CFAP44: variants seen among roughly 807,000 people sequenced by gnomAD.
The protein encoded by CFAP44 is cilia and flagella associated protein 44.
A neutral mutation model predicts 216.2 loss-of-function variants in CFAP44; 134 were observed. The ratio of observed to expected loss-of-function variants is 0.62; its 90% CI spans 0.54 to 0.72. CFAP44 has a LOEUF of 0.72. Among genes scored for constraint, CFAP44 ranks in the 30% least tolerant of loss-of-function variants. CFAP44 has a pLI of 0.00. For missense variants in CFAP44, 2,035 were observed against 2,182.1 expected (o/e 0.93, Z 1.34); for synonymous variants, 700 against 727.6 (o/e 0.96, Z 0.61).
At chr3:113,351,351 C>T (rs1427154306) in intron 22 of CFAP44, among the ~76,000 whole-genome samples, 2 of 152,170 alleles carry the variant, frequency 1.3e-5, no homozygotes, top group Non-Finnish European at 2.9e-5. Flanking sequence ...TCCATCAGCA[C>T]AGAGCCATAC....
At position 113,426,670 on chromosome 3, in the gene CFAP44, G is replaced by A. The variant is rs963489510; in HGVS notation, c.254-393C>T. On this transcript the variant is annotated intron_variant, in intron 3 of 34. Transcript: ENST00000393845. Reference sequence around the variant, plus strand: ...ATGTGTTTATTAGCAGCATGAGAACGGACTAATACAAAGAGTGTCTGGTGA... The same window carrying A: ...ATGTGTTTATTAGCAGCATGAGAACAGACTAATACAAAGAGTGTCTGGTGA... 8 of 198,574 alleles carry A rather than the reference G, an allele frequency of 4.0e-5. 1 individual carries two copies. The South Asian group carries it at 4.4e-4, about 11-fold the overall frequency. 12.3% of individuals were successfully genotyped at this position (198,574 alleles called of 1,614,324 possible).
intron 2 of CFAP44, among the ~76,000 whole-genome samples, chr3:113,431,240 A>C (rs1935098946): frequency 6.6e-6 from 1 of 152,172 alleles, no homozygotes; most frequent in Non-Finnish European, 1.5e-5. Context: ...AGAATGCCAG[A>C]AAATTATTTC....
intron 15 of CFAP44, among the ~76,000 whole-genome samples, chr3:113,390,421 C>G (rs1051574572): frequency 1.3e-5 from 2 of 152,064 alleles, no homozygotes; most frequent in East Asian, 3.8e-4. Flanking sequence ...AAAGCCTTTC[C>G]TCTAAGATCT....
At chr3:113,377,915 T>G (rs2107333251) in intron 17 of CFAP44, among the ~76,000 whole-genome samples, 1 of 152,302 alleles carries the variant, frequency 6.6e-6, no homozygotes, top group South Asian at 2.1e-4. Context: ...CCTCCCAAAG[T>G]GCTGAGATTA....
chr3:113,395,973 T>G (rs1933980349), intron 14 of CFAP44, 113 bp from the exon 15 acceptor site: 1 of 665,760 alleles, frequency 1.5e-6, no homozygotes, highest in Non-Finnish European at 2.4e-6. Context: ...TGGTCATATA[T>G]CCCAGATTAT....
rs373397037 is a variant in CFAP44 at position 113,305,102 on chromosome 3, A to C, written c.4809T>G (p.Ala1603=). 130 of 1,537,172 alleles carry C rather than the reference A, an allele frequency of 8.5e-5. No homozygotes were observed. Among genetic ancestry groups the C allele is most frequent in the Admixed American group, 2.0e-5 (1 of 50,992 alleles). ...GCCGCTGCTGCTTCTCTCGCTGATAAGCCTCCAGGGCCTCCTCTGCTGCAT... is the reference window on the plus strand; with the variant it reads ...GCCGCTGCTGCTTCTCTCGCTGATACGCCTCCAGGGCCTCCTCTGCTGCAT... ...NLNAAEEALE[A]YQREKQQRLN... Residue 1603 remains alanine (A), a synonymous_variant, in exon 31 of 35, where the codon GCT becomes GCG. Coordinates refer to ENST00000393845, the MANE Select transcript of CFAP44 (RefSeq NM_001164496.2).
In CFAP44 at chr3:113,306,246, T is replaced by A. The variant is rs1290228908; in HGVS notation, c.4713A>T (p.Lys1571Asn). The A allele has an allele frequency of 6.5e-7, 1 of 1,537,092 alleles. No homozygotes were observed. Among genetic ancestry groups the A allele is most frequent in the Non-Finnish European group, 8.7e-7 (1 of 1,146,750 alleles). The change falls in exon 30 of 35, where the codon AAA becomes AAT. Residue 1571 changes from lysine to asparagine, a missense_variant. Lys to Asn is a moderately conservative substitution (Grantham distance 94, BLOSUM62 0). Transcript: ENST00000393845. The part of the protein sequence containing the change: ...DIEEALVEEK[K>N]IVDNLKKEYD... Reference sequence around the variant, plus strand: ...ATTCCTTTTTGAGGTTATCAACAATTTTCTTTTCTTCAACTAAAGCCTCCT... The same window carrying A: ...ATTCCTTTTTGAGGTTATCAACAATATTCTTTTCTTCAACTAAAGCCTCCT...
chr3:113,291,580 C>CTT lies in CFAP44; in HGVS notation c.5540_5541dup (p.Glu1848LysfsTer41), dbSNP rs767309756. ...ACTCAAAGGTCTGCGGGCTGTATCT[C>CTT]TTTCTCTCGTGGAGACTGAATGGGT... On this transcript the variant is annotated frameshift_variant, in exon 35 of 35. Transcript: ENST00000393845. LOFTEE classifies it low-confidence loss of function (END_TRUNC). The CTT allele has an allele frequency of 1.6e-4, 240 of 1,537,108 alleles. No individual in the cohort carries two copies. Among genetic ancestry groups the CTT allele is most frequent in the Non-Finnish European group, 1.9e-4 (222 of 1,146,914 alleles).
intron 24 of CFAP44, among the ~76,000 whole-genome samples, chr3:113,334,899 A>C: frequency 6.6e-6 from 1 of 152,246 alleles, no homozygotes; most frequent in East Asian, 1.9e-4. Flanking sequence ...TTTTTAAAGT[A>C]AAGTCTACTA....
At chr3:113,327,871 T>C (rs1950201698) in intron 26 of CFAP44, 52 bp from the exon 27 acceptor site, 2 of 1,478,614 alleles carry the variant, frequency 1.4e-6, no homozygotes, top group African/African-American at 1.4e-5. Flanking sequence ...ATAAATGCAT[T>C]TTTAAACTAT....
intron 28 of CFAP44, among the ~76,000 whole-genome samples, chr3:113,322,963 C>G (rs375868466): frequency 1.3e-5 from 2 of 152,162 alleles, no homozygotes; most frequent in African/African-American, 4.8e-5. Context: ...CACATGGCAG[C>G]AGGAAGGAGA....
At chr3:113,320,423 A>ATGATATATATTTATATATATGATATATG (rs1553753168) in intron 28 of CFAP44, among the ~76,000 whole-genome samples, 4,125 of 137,752 alleles carry the variant, frequency 0.03, 101 homozygotes, top group East Asian at 0.1. Flanking sequence ...TGATATATAT[A>ATGATATATATTTATATATATGATATATG]TGATATATAT....
At chr3:113,425,556 A>T (rs1329384338) in intron 4 of CFAP44, among the ~76,000 whole-genome samples, 1 of 152,234 alleles carries the variant, frequency 6.6e-6, no homozygotes, top group South Asian at 2.1e-4. Context: ...CATCTGATAT[A>T]TAATGTGAAA....
intron 14 of CFAP44, 108 bp downstream of exon 14, chr3:113,396,410 T>C (rs980946483): frequency 8.2e-6 from 10 of 1,225,222 alleles, no homozygotes; most frequent in Middle Eastern, 2.1e-4. Flanking sequence ...TGTGAATATA[T>C]TGATAGAAAA....
chr3:113,312,980 CCA>C (rs1950054254), intron 28 of CFAP44, among the ~76,000 whole-genome samples: 1 of 152,076 alleles, frequency 6.6e-6, no homozygotes, highest in African/African-American at 2.4e-5. Flanking sequence ...GTCAGAGCCC[CCA>C]CACAGAGTCC....
At chr3:113,324,042 C>CAAGAAAAAAAAAA (rs1950168435) in intron 28 of CFAP44, among the ~76,000 whole-genome samples, 1 of 71,868 alleles carries the variant, frequency 1.4e-5, no homozygotes, top group Non-Finnish European at 2.9e-5. Context: ...GACTCCGTCT[C>CAAGAAAAAAAAAA]AAAAAAAAAA....
At chr3:113,396,382 A>T (rs1478982572) in intron 14 of CFAP44, 136 bp downstream of exon 14, 2 of 939,632 alleles carry the variant, frequency 2.1e-6, no homozygotes, top group Non-Finnish European at 3.1e-6. Context: ...AAAGAATATG[A>T]CTACAAAGAA....
At chr3:113,410,559 T>C (rs148017168) in intron 6 of CFAP44, among the ~76,000 whole-genome samples, 43 of 152,372 alleles carry the variant, frequency 2.8e-4, no homozygotes, top group African/African-American at 1.0e-3. Context: ...GATGGACATT[T>C]GGGTTGGTTC....
Position 113,358,809 on chromosome 3 carries a change from C to T in CFAP44, c.3001G>A (p.Val1001Met), listed in dbSNP as rs1280992443. 2.0e-6 allele frequency: 3 copies of T among 1,536,876 alleles called. No homozygotes were observed. Among genetic ancestry groups the T allele is most frequent in the East Asian group, 2.4e-5 (1 of 40,886 alleles). ...TTTTCCCAAGCTAATTCCTTTTCCA[C>T]TTGTTGAATTTTGAAAGCTGTTTTT... ...HRKTAFKIQQ[V>M]EKELAWEKEK... is the part of the protein sequence containing the mutation. Residue 1001 changes from valine (V) to methionine (M), a missense_variant, in exon 22 of 35, where the codon GTG becomes ATG. Val to Met is a conservative substitution (Grantham distance 21). Transcript: ENST00000393845.
Sources: allele counts gnomAD v4.1 joint callset (sites outside exome capture counted in the v4.1 genomes callset), GRCh38; gene constraint gnomAD v4.1.1; transcripts MANE v1.5; gene names NCBI Gene and HGNC (gene_info 2026-07-23, HGNC 2026-07-21).